Variants in NUCB2 observed in about 807,000 individuals in gnomAD.
The protein encoded by NUCB2 is nucleobindin-2.
A neutral mutation model predicts 57.9 loss-of-function variants in NUCB2; 48 were observed. That is an observed-to-expected ratio of 0.83 (90% CI 0.66 to 1.05). NUCB2 has a LOEUF of 1.05. NUCB2 is among the 50% of genes least tolerant of loss of function. NUCB2 has a pLI of 0.00. For missense variants in NUCB2, 442 were observed against 476.2 expected, an observed-to-expected ratio of 0.93 and a Z score of 0.67; for synonymous variants, 139 against 152.1, an observed-to-expected ratio of 0.91 and a Z score of 0.64.
intron 11 of NUCB2, among the ~76,000 whole-genome samples, chr11:17,322,041 G>A (rs1158822660): frequency 6.6e-6 from 1 of 152,038 alleles, no homozygotes; most frequent in Non-Finnish European, 1.5e-5. Context: ...CATTCTGTGG[G>A]TTATCCCTTC....
chr11:17,299,807 G>A (rs370599250), intron 4 of NUCB2, among the ~76,000 whole-genome samples: 35 of 152,216 alleles, frequency 2.3e-4, no homozygotes, highest in African/African-American at 7.9e-4. Context: ...GGGAGGTTGA[G>A]GTGGGAGGAC....
intron 11 of NUCB2, among the ~76,000 whole-genome samples, chr11:17,318,548 A>G (rs1365144259): frequency 2.6e-5 from 4 of 152,070 alleles, no homozygotes; most frequent in African/African-American, 4.8e-5. Flanking sequence ...TAGATTCTCA[A>G]TGTAGCATTA....
intron 1 of NUCB2, among the ~76,000 whole-genome samples, chr11:17,282,259 T>TGTA (rs1555062027): frequency 4.1e-4 from 30 of 73,038 alleles, no homozygotes; most frequent in Non-Finnish European, 3.7e-4. Context: ...TATATATATA[T>TGTA]TTTTTTTTTT....
intron 13 of NUCB2, 62 bp downstream of exon 13, chr11:17,331,045 CA>C: frequency 2.0e-6 from 2 of 1,016,066 alleles, no homozygotes; most frequent in Non-Finnish European, 3.0e-6. Context: ...TTGAAATCCA[CA>C]TTTATTACAA....
At chr11:17,329,775 G>A (rs1468178322) in intron 11 of NUCB2, among the ~76,000 whole-genome samples, 3 of 152,204 alleles carry the variant, frequency 2.0e-5, no homozygotes, top group Non-Finnish European at 4.4e-5. Flanking sequence ...TTTGCTTCTT[G>A]TGCTTTTCTG....
At chr11:17,288,876 TGTATATACACAC>T (rs1477851631) in intron 2 of NUCB2, among the ~76,000 whole-genome samples, 1 of 70,510 alleles carries the variant, frequency 1.4e-5, no homozygotes, top group African/African-American at 5.1e-5. Flanking sequence ...TTTAATAACA[TGTATATACACAC>T]ACACACACAC....
chr11:17,304,243 A>AT (rs1320804219), intron 5 of NUCB2, among the ~76,000 whole-genome samples: 2 of 151,364 alleles, frequency 1.3e-5, no homozygotes, highest in East Asian at 3.9e-4. Flanking sequence ...CCCATGCTAG[A>AT]GCATGCAGTG....
downstream of NUCB2, among the ~76,000 whole-genome samples, chr11:17,337,103 G>C (rs1951881727): frequency 6.6e-6 from 1 of 151,890 alleles, no homozygotes; most frequent in African/African-American, 2.4e-5. Context: ...TCCATGCCCG[G>C]CTAATTTTTA....
rs780976584 is a variant in NUCB2 at position 17,311,858 on chromosome 11, C to T, written c.761-14C>T. The T allele has an allele frequency of 4.6e-6, 7 of 1,532,252 alleles. No homozygotes were observed. Among genetic ancestry groups the T allele is most frequent in the Non-Finnish European group, 6.2e-6 (7 of 1,129,046 alleles). 94.9% of individuals were successfully genotyped at this position (1,532,252 alleles called of 1,614,324 possible). ...TTAAAATCTATTTTTGCATTTGTAA[C>T]TTTTAAACTTTAGATGTCAATAGTG... On this transcript the variant is annotated splice_polypyrimidine_tract_variant and intron_variant, in intron 8 of 13. Transcript: ENST00000529010.
At chr11:17,279,032 A>T (rs934786245) in intron 1 of NUCB2, among the ~76,000 whole-genome samples, 2 of 152,146 alleles carry the variant, frequency 1.3e-5, no homozygotes, top group Non-Finnish European at 2.9e-5. Context: ...GTCTTTACTA[A>T]AAATACAAAA....
chr11:17,343,235 A>G (rs1952437812), intron 2 of NUCB2, among the ~76,000 whole-genome samples: 2 of 152,044 alleles, frequency 1.3e-5, no homozygotes, highest in East Asian at 3.9e-4. Context: ...TTTCCTGAAT[A>G]CAGCACACTG....
chr11:17,316,884 T>C (rs1438310349), intron 11 of NUCB2, among the ~76,000 whole-genome samples: 1 of 152,224 alleles, frequency 6.6e-6, no homozygotes, highest in Non-Finnish European at 1.5e-5. Context: ...TTTCCAAGGA[T>C]GTGGAACTTT....
At chr11:17,345,580 G>T (rs936122840) in intron 2 of NUCB2, among the ~76,000 whole-genome samples, 1 of 152,018 alleles carries the variant, frequency 6.6e-6, no homozygotes, top group Non-Finnish European at 1.5e-5. Flanking sequence ...GGTGGTGGGC[G>T]CCTGTAATCC....
At chr11:17,280,427 A>T (rs1565353326) in intron 1 of NUCB2, among the ~76,000 whole-genome samples, 2 of 152,190 alleles carry the variant, frequency 1.3e-5, no homozygotes, top group East Asian at 3.9e-4. Context: ...TTCATTTTCA[A>T]AGGGAAAATG....
intron 2 of NUCB2, among the ~76,000 whole-genome samples, chr11:17,293,417 A>G (rs1945281791): frequency 6.6e-6 from 1 of 152,156 alleles, no homozygotes; most frequent in Non-Finnish European, 1.5e-5. Context: ...AGATATGGAA[A>G]AATTAGAACC....
At chr11:17,309,821 G>T in intron 6 of NUCB2, 146 bp downstream of exon 6, 1 of 506,934 alleles carries the variant, frequency 2.0e-6, no homozygotes, top group Non-Finnish European at 3.4e-6. Context: ...TATTAATACA[G>T]ATATTAATAT....
At chr11:17,294,126 T>A (rs181191975) in intron 2 of NUCB2, among the ~76,000 whole-genome samples, 1 of 152,230 alleles carries the variant, frequency 6.6e-6, no homozygotes, top group Non-Finnish European at 1.5e-5. Flanking sequence ...TTTTTTGTTA[T>A]TAAAAGTAAT....
At chr11:17,305,234 G>A (rs939128307) in intron 5 of NUCB2, among the ~76,000 whole-genome samples, 8 of 152,186 alleles carry the variant, frequency 5.3e-5, no homozygotes, top group Admixed American at 2.0e-4. Flanking sequence ...TGAGGCAGGA[G>A]AATCACTTGA....
In NUCB2 at chr11:17,342,867, C is replaced by T. The variant is rs1379927057; in HGVS notation, n.2626+5333C>T. Among the ~76,000 whole-genome samples the T allele has an allele frequency of 5.9e-4, 89 of 151,932 alleles. 1 individual carries two copies. Among genetic ancestry groups the T allele is most frequent in the Non-Finnish European group, 1.1e-3 (76 of 67,948 alleles). On this transcript the variant is annotated intron_variant and non_coding_transcript_variant, in intron 2 of 2. Transcript: ENST00000532240. ...AGCTGAGTTCAATTCCTGGATATCC[C>T]TGTTAACTTTCTGTCTCGTTGATCT... is the stretch of plus-strand genomic sequence containing the variant.
Sources: allele counts gnomAD v4.1 joint callset (sites outside exome capture counted in the v4.1 genomes callset), GRCh38; gene constraint gnomAD v4.1.1; transcripts MANE v1.5; gene names NCBI Gene and HGNC (gene_info 2026-07-23, HGNC 2026-07-21).